The following CSTPP1 variants were observed in gnomAD, a reference collection of about 807,000 sequenced individuals.
The protein encoded by CSTPP1 is UPF0705 protein C11orf49.
chr11:47,090,556 A>G, the CSTPP1 span, among the ~76,000 whole-genome samples: 5 of 152,310 alleles, frequency 3.3e-5, no homozygotes, highest in East Asian at 3.9e-4. Context: ...AGGTCCCTGG[A>G]AATGCCGTGT....
chr11:47,115,176 A>AAACT, the CSTPP1 span, among the ~76,000 whole-genome samples: 1 of 152,230 alleles, frequency 6.6e-6, no homozygotes, highest in South Asian at 2.1e-4. Flanking sequence ...CCCAGGGATG[A>AAACT]AACTAACTTG....
the CSTPP1 span, among the ~76,000 whole-genome samples, chr11:47,147,698 G>A: frequency 9.9e-5 from 15 of 152,152 alleles, no homozygotes; most frequent in Non-Finnish European, 1.8e-4. Flanking sequence ...AGGTGGTCTC[G>A]GAACTGTGAC....
the CSTPP1 span, among the ~76,000 whole-genome samples, chr11:47,142,521 T>C: frequency 2.0e-5 from 3 of 152,064 alleles, no homozygotes; most frequent in Non-Finnish European, 2.9e-5. Flanking sequence ...AAGAACTTGA[T>C]ATAGAAGGGG....
At chr11:47,118,355 C>T in the CSTPP1 span, among the ~76,000 whole-genome samples, 2 of 152,114 alleles carry the variant, frequency 1.3e-5, no homozygotes, top group Non-Finnish European at 2.9e-5. Context: ...TTTGACTAAT[C>T]TTTTTTCAAG....
At chr11:47,164,033 G>A in the CSTPP1 span, 17 of 1,538,486 alleles carry the variant, frequency 1.1e-5, no homozygotes, top group African/African-American at 2.8e-5. Flanking sequence ...TTGCTCGCTC[G>A]CCCTCAGCCA....
At chr11:46,946,007 G>A in the CSTPP1 span, among the ~76,000 whole-genome samples, 3 of 152,098 alleles carry the variant, frequency 2.0e-5, no homozygotes, top group Admixed American at 2.0e-4. Flanking sequence ...CTGGAAGGTC[G>A]ATCTAGATTT....
the CSTPP1 span, among the ~76,000 whole-genome samples, chr11:46,971,851 G>A: frequency 3.3e-5 from 5 of 152,126 alleles, no homozygotes; most frequent in Non-Finnish European, 7.4e-5. Context: ...GGGAGGCTGA[G>A]ATAGGAGAAT....
chr11:47,043,778 G>T, the CSTPP1 span, among the ~76,000 whole-genome samples: 2 of 150,908 alleles, frequency 1.3e-5, no homozygotes, highest in Admixed American at 1.3e-4. Flanking sequence ...GATCACTTGA[G>T]CCCAGGAGTT....
At chr11:46,949,126 T>C in the CSTPP1 span, among the ~76,000 whole-genome samples, 5 of 151,780 alleles carry the variant, frequency 3.3e-5, no homozygotes, top group South Asian at 8.3e-4. Flanking sequence ...ATTTTGTAAA[T>C]AGAAAACACT....
chr11:47,109,548 T>G, the CSTPP1 span, among the ~76,000 whole-genome samples: 1 of 152,232 alleles, frequency 6.6e-6, no homozygotes, highest in Non-Finnish European at 1.5e-5. Flanking sequence ...TCTGCTTCAC[T>G]GCTGGTTGCT....
At chr11:46,968,221 T>C in the CSTPP1 span, among the ~76,000 whole-genome samples, 2 of 151,758 alleles carry the variant, frequency 1.3e-5, no homozygotes, top group African/African-American at 4.8e-5. Context: ...TACTGGGGCC[T>C]AGCGCAGGAA....
At chr11:47,008,479 T>G in the CSTPP1 span, among the ~76,000 whole-genome samples, 1 of 152,292 alleles carries the variant, frequency 6.6e-6, no homozygotes, top group East Asian at 1.9e-4. Context: ...TAATGTTATA[T>G]GAAAATATCT....
the CSTPP1 span, among the ~76,000 whole-genome samples, chr11:47,022,401 G>A: frequency 7.8e-3 from 753 of 96,900 alleles, 7 homozygotes; most frequent in African/African-American, 0.03. Flanking sequence ...ACAGAGTCTT[G>A]CCCTGTCACC....
chr11:47,034,726 T>A, the CSTPP1 span, among the ~76,000 whole-genome samples: 9 of 152,116 alleles, frequency 5.9e-5, no homozygotes, highest in African/African-American at 1.7e-4. Flanking sequence ...TTCAAACTCC[T>A]GGGCTCAAGC....
At chr11:47,161,644 C>A in the CSTPP1 span, 1 of 1,607,212 alleles carries the variant, frequency 6.2e-7, no homozygotes, top group South Asian at 1.1e-5. Context: ...CTTGAGGAGT[C>A]CAAAGGGTCC....
At chr11:47,025,508 A>G in the CSTPP1 span, among the ~76,000 whole-genome samples, 115,535 of 152,110 alleles carry the variant, frequency 0.76, 44,606 homozygotes, top group African/African-American at 0.84. Context: ...TTTTTCAACC[A>G]AATTCATATC....
At chr11:47,008,220 C>T in the CSTPP1 span, among the ~76,000 whole-genome samples, 1 of 152,118 alleles carries the variant, frequency 6.6e-6, no homozygotes, top group Non-Finnish European at 1.5e-5. Context: ...CCGCCTTGGC[C>T]TCTCAAAGTG....
chr11:47,084,099 A>T, the CSTPP1 span, among the ~76,000 whole-genome samples: 1 of 152,152 alleles, frequency 6.6e-6, no homozygotes, highest in Non-Finnish European at 1.5e-5. Context: ...CATTTTAGCC[A>T]TTCTAGTGGT....
chr11:47,142,215 G>C, the CSTPP1 span, among the ~76,000 whole-genome samples: 9 of 150,398 alleles, frequency 6.0e-5, no homozygotes, highest in African/African-American at 2.2e-4. Context: ...TGCACTCCAG[G>C]CTGGTGACAG....
Sources: gnomAD v4.1 joint callset for allele counts (sites outside exome capture counted in the v4.1 genomes callset) on GRCh38, gnomAD v4.1.1 for gene constraint, MANE v1.5 for transcripts, NCBI Gene and HGNC (gene_info 2026-07-23, HGNC 2026-07-21) for gene names.